Variants in ZCWPW1 observed in about 807,000 individuals in gnomAD.
ZCWPW1 encodes zinc finger CW-type and PWWP domain containing 1, also known as zinc finger CW-type PWWP domain protein 1.
Under a neutral mutation model 81.3 loss-of-function variants are expected in ZCWPW1, and 56 were observed. The observed-to-expected ratio is 0.69, with a 90% CI of 0.56 to 0.86. The LOEUF is 0.86. Ranked by LOEUF, ZCWPW1 falls within the 40% of genes least tolerant of loss-of-function variation. ZCWPW1 has a pLI of 0.00. For synonymous variants in ZCWPW1, 250 were observed against 273.7 expected, an observed-to-expected ratio of 0.91 and a Z score of 0.86; for missense variants, 650 against 769.8, an observed-to-expected ratio of 0.84 and a Z score of 1.84.
Position 100,415,975 on chromosome 7 carries a change from C to G in ZCWPW1, c.754G>C (p.Gly252Arg). 1 of 1,614,054 alleles carries G rather than the reference C, an allele frequency of 6.2e-7. No homozygotes were observed. The highest frequency in any genetic ancestry group is 8.5e-7 in the Non-Finnish European group (1 of 1,180,008). ...GGTTTGCCAAACCAGCTAAACTCAC[C>G]AAAACCACTTATCTCTCCTTTTTGC... ...DQQKGEISGF[G>R]QCLVWVQCSF... is the part of the protein sequence containing the mutation. The change falls in exon 8 of 18, where the codon GGT becomes CGT. Residue 252 changes from glycine to arginine, a missense_variant and splice_region_variant. By Grantham distance (125) the Gly-to-Arg change is moderately radical (BLOSUM62 -2). Transcript: ENST00000684423.
intron 15 of ZCWPW1, 116 bp downstream of exon 15, chr7:100,403,578 C>T (rs558409253): frequency 1.1e-6 from 1 of 875,010 alleles, no homozygotes; most frequent in Non-Finnish European, 1.7e-6. Context: ...AATCCCAGCA[C>T]TTTGGAAGGC....
In ZCWPW1 at chr7:100,408,655, C is replaced by T. The variant is rs192093712; in HGVS notation, c.876G>A (p.Val292=). 5 of 1,612,592 alleles carry T rather than the reference C, an allele frequency of 3.1e-6. No homozygotes were observed. In the South Asian group the frequency reaches 5.5e-5, roughly 18 times the overall value. The change falls in exon 10 of 18, where the codon GTG becomes GTA. Residue 292 remains valine (V), a synonymous_variant. Coordinates refer to ENST00000684423, the MANE Select transcript of ZCWPW1 (RefSeq NM_001386010.1). ...CAGGAATATCACAGCGATTATACTG[C>T]ACATCTGCTGAAAGAGAGAAGGAAT... is the stretch of plus-strand genomic sequence containing the variant. The part of the protein sequence containing the change: ...DNWSCDQNTD[V]QYNRCDIPEE...
Position 100,416,057 on chromosome 7 carries a change from G to T in ZCWPW1, c.672C>A (p.His224Gln). 6.2e-7 allele frequency: 1 copy of T among 1,614,100 alleles called. No individual in the cohort carries two copies. ...KVEKTQGGHE[H>Q]RQEDRLKKTV... ...TTTTCTTTAGTCGGTCTTCCTGTCT[G>T]TGCTCATGTCCACCTTGAGTTTTCT... Residue 224 changes from histidine (H) to glutamine (Q), a missense_variant, in exon 8 of 18, where the codon CAC becomes CAA. Coordinates refer to ENST00000684423, the MANE Select transcript of ZCWPW1 (RefSeq NM_001386010.1).
intron 5 of ZCWPW1, among the ~76,000 whole-genome samples, chr7:100,417,834 C>CTTA (rs1438575972): frequency 6.6e-6 from 1 of 151,904 alleles, no homozygotes; most frequent in African/African-American, 2.4e-5. Flanking sequence ...GCCTCATGAA[C>CTTA]TTATGGAAAA....
chr7:100,420,709 C>A (rs1317143565), intron 2 of ZCWPW1, 31 bp from the exon 3 acceptor site: 1 of 1,597,954 alleles, frequency 6.3e-7, no homozygotes, highest in Admixed American at 1.7e-5. Context: ...ACTGCTATGA[C>A]TCTGATTAAA....
At chr7:100,407,419 G>GCT (rs1793269166) in intron 10 of ZCWPW1, 116 bp from the exon 11 acceptor site, 1 of 865,878 alleles carries the variant, frequency 1.2e-6, no homozygotes, top group African/African-American at 1.7e-5. Flanking sequence ...CTGAGACAAG[G>GCT]TCTCACTCTG....
chr7:100,409,316 A>T (rs1793715035), intron 9 of ZCWPW1, 112 bp downstream of exon 9: 2 of 848,970 alleles, frequency 2.4e-6, no homozygotes, highest in Admixed American at 4.4e-5. Flanking sequence ...AAGCACTACA[A>T]GGACACTGAG....
chr7:100,402,454 C>T, intron 16 of ZCWPW1, 62 bp downstream of exon 16: 1 of 1,576,022 alleles, frequency 6.3e-7, no homozygotes, highest in East Asian at 2.2e-5. Context: ...CTGCAGACTC[C>T]CTCTCTACCA....
intron 15 of ZCWPW1, among the ~76,000 whole-genome samples, chr7:100,403,070 G>C (rs1584239910): frequency 6.6e-6 from 1 of 152,058 alleles, no homozygotes; most frequent in Non-Finnish European, 1.5e-5. Flanking sequence ...AAAGAGGAAA[G>C]AAGAGACTTA....
intron 2 of ZCWPW1, among the ~76,000 whole-genome samples, chr7:100,424,795 G>A (rs766176774): frequency 8.6e-5 from 13 of 151,982 alleles, no homozygotes; most frequent in Admixed American, 5.9e-4. Flanking sequence ...AGAGTATTTC[G>A]ACCAACCTAA....
chr7:100,411,237 A>G (rs915460366), intron 8 of ZCWPW1, among the ~76,000 whole-genome samples: 1 of 144,952 alleles, frequency 6.9e-6, no homozygotes, highest in African/African-American at 2.6e-5. Context: ...GTCTTTTCAA[A>G]ATATCACATA....
chr7:100,425,595 C>G (rs1797177886), intron 1 of ZCWPW1, among the ~76,000 whole-genome samples: 1 of 152,296 alleles, frequency 6.6e-6, no homozygotes, highest in Non-Finnish European at 1.5e-5. Flanking sequence ...GGCCCTCTCC[C>G]TTTTCCAACT....
At chr7:100,401,434 T>G in intron 17 of ZCWPW1, 98 bp from the exon 18 acceptor site, 15 of 1,127,224 alleles carry the variant, frequency 1.3e-5, no homozygotes, top group South Asian at 1.8e-5. Context: ...AAGAAATCTC[T>G]GGAAAAGATG....
intron 14 of ZCWPW1, 97 bp downstream of exon 14, chr7:100,404,078 CTGA>C (rs887363326): frequency 1.6e-6 from 2 of 1,270,876 alleles, no homozygotes; most frequent in Non-Finnish European, 2.2e-6. Context: ...CAGAATTAGC[CTGA>C]TGATAGAGAA....
rs1309100999 is a variant in ZCWPW1 at position 100,401,056 on chromosome 7, G to A, written c.1908C>T (p.Asn636=). ...CCACGGGGAAGTCCTCGCCATCACT[G>A]TTGCTGTGCTGCAGCTCCCCGCTCT... ...LGQSGELQHS[N]SDGEDFPVAL... is the part of the protein sequence containing the mutation. Residue 636 remains asparagine, a synonymous_variant, in exon 18 of 18, where the codon AAC becomes AAT. Coordinates refer to ENST00000684423, the MANE Select transcript of ZCWPW1 (RefSeq NM_001386010.1). 10 of 1,613,840 alleles carry A rather than the reference G, an allele frequency of 6.2e-6. No individual in the cohort carries two copies. Among genetic ancestry groups the A allele is most frequent in the Non-Finnish European group, 8.5e-6 (10 of 1,179,902 alleles).
intron 1 of ZCWPW1, among the ~76,000 whole-genome samples, chr7:100,425,821 T>C (rs1170019469): frequency 1.3e-5 from 2 of 152,222 alleles, no homozygotes; most frequent in African/African-American, 4.8e-5. Flanking sequence ...GGTTAACATA[T>C]TTATTATTGT....
At chr7:100,404,919 C>T in intron 13 of ZCWPW1, 94 bp downstream of exon 13, 2 of 1,265,290 alleles carry the variant, frequency 1.6e-6, no homozygotes, top group East Asian at 2.5e-5. Context: ...GGTAGGATGG[C>T]CCCTAGCACA....
Position 100,402,551 on chromosome 7 carries a change from C to T in ZCWPW1, c.1439G>A (p.Arg480Gln), listed in dbSNP as rs373450388. Residue 480 changes from arginine to glutamine, a missense_variant, in exon 16 of 18, where the codon CGA (arginine) becomes CAA (glutamine). Arg to Gln is a conservative substitution (Grantham distance 43, BLOSUM62 1). Coordinates refer to ENST00000684423, the MANE Select transcript of ZCWPW1 (RefSeq NM_001386010.1). ...KTDPILPIRK[R>Q]VKIQTQKTKP... ...GGTTTTTTGGGTCTGTATTTTGACT[C>T]GCTTACGAATGGGCAAAATTGGGTC... 4.4e-5 allele frequency: 71 copies of T among 1,613,882 alleles called. No homozygotes were observed. The highest frequency in any genetic ancestry group is 1.2e-4 in the Admixed American group (7 of 59,970).
At chr7:100,404,356 A>G in intron 13 of ZCWPW1, 112 bp from the exon 14 acceptor site, 1 of 963,218 alleles carries the variant, frequency 1.0e-6, no homozygotes, top group East Asian at 2.6e-5. Context: ...TTCCATACCA[A>G]AATTATCATT....
Sources: allele counts gnomAD v4.1 joint callset (sites outside exome capture counted in the v4.1 genomes callset), GRCh38; gene constraint gnomAD v4.1.1; transcripts MANE v1.5; gene names NCBI Gene and HGNC (gene_info 2026-07-23, HGNC 2026-07-21).